The following AMER3 variants were observed in gnomAD, a reference collection of about 807,000 sequenced individuals.
The protein encoded by AMER3 is family with sequence similarity 123C.
For missense variants in AMER3, 1,201 were observed against 1,139.4 expected (o/e 1.05, Z -0.78); for synonymous variants, 541 against 485.5 (o/e 1.11, Z -1.50).
Position 130,762,273 on chromosome 2 carries a change from C to T in AMER3, c.201C>T (p.Asn67=), listed in dbSNP as rs919762235. Residue 67 remains asparagine, a synonymous_variant, in exon 2 of 2, where the codon AAC becomes AAT. Coordinates refer to ENST00000321420, the MANE Select transcript of AMER3 (RefSeq NM_152698.3). ...PSAQEYDRCP[N]KGAQLDPKGG... is the part of the protein sequence containing the mutation. ...CCCAAGAATACGACAGATGCCCCAA[C>T]AAAGGGGCGCAGCTGGACCCCAAAG... is the stretch of plus-strand genomic sequence containing the variant. 3.2e-6 allele frequency: 5 copies of T among 1,581,326 alleles called. No homozygotes were observed. In the South Asian group the frequency reaches 5.8e-5, roughly 18 times the overall value.
At chr2:130,757,283 C>A (rs936582134) in intron 1 of AMER3, among the ~76,000 whole-genome samples, 1 of 152,230 alleles carries the variant, frequency 6.6e-6, no homozygotes, top group Non-Finnish European at 1.5e-5. Context: ...AAATCCATGT[C>A]TGTGTGTGCC....
intron 1 of AMER3, among the ~76,000 whole-genome samples, chr2:130,756,548 G>C (rs1474984793): frequency 6.6e-6 from 1 of 152,132 alleles, no homozygotes; most frequent in Non-Finnish European, 1.5e-5. Flanking sequence ...GCGCAGTCAG[G>C]GGCCTGGGAG....
At chr2:130,760,593 G>A (rs1418796570) in intron 1 of AMER3, among the ~76,000 whole-genome samples, 1 of 152,146 alleles carries the variant, frequency 6.6e-6, no homozygotes, top group Non-Finnish European at 1.5e-5. Flanking sequence ...GGAGCCAGCC[G>A]CAGTCTCTTC....
At chr2:130,761,336 A>T (rs1183881817) in intron 1 of AMER3, among the ~76,000 whole-genome samples, 1 of 152,196 alleles carries the variant, frequency 6.6e-6, no homozygotes, top group East Asian at 1.9e-4. Flanking sequence ...TCTGCATGGC[A>T]CTGCAGGCAT....
chr2:130,759,469 A>G (rs1158482798), intron 1 of AMER3, among the ~76,000 whole-genome samples: 2 of 152,228 alleles, frequency 1.3e-5, no homozygotes, highest in Non-Finnish European at 2.9e-5. Context: ...CTGAAGTTAT[A>G]TCCAACAGAA....
rs775285844 is a variant in AMER3, at chr2:130,766,118, CT to C, written c.*1463del. ...GACTTTAGATGTTAGGGATTTGAAA[CT>C]TTAGAGATTTGCGTCTTTCAGTATT... On this transcript the variant is annotated 3_prime_UTR_variant, in exon 2 of 2. Coordinates refer to ENST00000321420, the MANE Select transcript of AMER3 (RefSeq NM_152698.3). 1 of 166,958 alleles carries C rather than the reference CT, an allele frequency of 6.0e-6. No homozygotes were observed. Among genetic ancestry groups the C allele is most frequent in the Non-Finnish European group, 1.5e-5 (1 of 68,122 alleles). The allele number at this position is 166,958 out of a possible 1,614,324, so 10.3% of individuals were successfully genotyped here.
Position 130,762,911 on chromosome 2 carries a change from A to T in AMER3, c.839A>T (p.Glu280Val). The change falls in exon 2 of 2, where the codon GAG becomes GTG. Residue 280 changes from glutamate to valine, a missense_variant. Transcript: ENST00000321420. ...CCAACCCAGGCTGCTCAGGGCCTGGAGAGCAAGGTTCCCAGGGGCCCTCTC... is the reference window on the plus strand; with the variant it reads ...CCAACCCAGGCTGCTCAGGGCCTGGTGAGCAAGGTTCCCAGGGGCCCTCTC... ...ESPTQAAQGL[E>V]SKVPRGPLQG... is the part of the protein sequence containing the mutation. 6.2e-7 allele frequency: 1 copy of T among 1,612,948 alleles called. No individual in the cohort carries two copies. Among genetic ancestry groups the T allele is most frequent in the Non-Finnish European group, 8.5e-7 (1 of 1,179,752 alleles).
intron 1 of AMER3, among the ~76,000 whole-genome samples, chr2:130,759,703 C>A (rs762786756): frequency 2.6e-5 from 4 of 152,210 alleles, no homozygotes; most frequent in Non-Finnish European, 4.4e-5. Flanking sequence ...AGATTTCCCA[C>A]AAAAGAGTCT....
Position 130,764,745 on chromosome 2 carries a change from T to G in AMER3, c.*87T>G. ...GACTCAAATCTCTATCTTTTGTCCC[T>G]GATGTGGGGACTGTGTTGGGGGTGG... On this transcript the variant is annotated 3_prime_UTR_variant, in exon 2 of 2. Coordinates refer to ENST00000321420, the MANE Select transcript of AMER3 (RefSeq NM_152698.3). The G allele has an allele frequency of 7.2e-7, 1 of 1,384,924 alleles. No homozygotes were observed. Among genetic ancestry groups the G allele is most frequent in the Non-Finnish European group, 9.6e-7 (1 of 1,037,738 alleles). The allele number at this position is 1,384,924 out of a possible 1,614,324, so 85.8% of individuals were successfully genotyped here. A position where few individuals can be genotyped will look rare whatever the true frequency, so the allele number is the denominator to read the frequency against.
rs770625908 is a variant in AMER3, at chr2:130,764,507, G to A, written c.2435G>A (p.Ser812Asn). 3 of 1,602,024 alleles carry A rather than the reference G, an allele frequency of 1.9e-6. No individual in the cohort carries two copies. Among genetic ancestry groups the A allele is most frequent in the Admixed American group, 3.4e-5 (2 of 58,228 alleles). The change falls in exon 2 of 2, where the codon AGC becomes AAC. Residue 812 changes from serine (S) to asparagine (N), a missense_variant. Transcript: ENST00000321420. Reference sequence around the variant, plus strand: ...AGTTCCCAGGGCCACCATCCAGAAAGCCTGGGCCTCACTTTGAACAGCCAG... The same window carrying A: ...AGTTCCCAGGGCCACCATCCAGAAAACCTGGGCCTCACTTTGAACAGCCAG... ...RWSSQGHHPE[S>N]LGLTLNSQQE... is the part of the protein sequence containing the mutation.
At position 130,765,675 on chromosome 2, in the gene AMER3, C is replaced by G. The variant is rs1280463554; in HGVS notation, c.*1017C>G. On this transcript the variant is annotated 3_prime_UTR_variant, in exon 2 of 2. Transcript: ENST00000321420. ...CCCAGGAGGGCCATGGGTGTAAGTTCCAGAGTCCAAAGGCCAGCGAGCCTG... is the reference window on the plus strand; with the variant it reads ...CCCAGGAGGGCCATGGGTGTAAGTTGCAGAGTCCAAAGGCCAGCGAGCCTG... 6.0e-6 allele frequency: 1 copy of G among 167,074 alleles called. No individual in the cohort carries two copies. 10.3% of individuals were successfully genotyped at this position (167,074 alleles called of 1,614,324 possible). A position where few individuals can be genotyped will look rare whatever the true frequency, so the allele number is the denominator to read the frequency against.
rs756210400 is a variant in AMER3, at chr2:130,762,848, C to T, written c.776C>T (p.Ser259Leu). The part of the protein sequence containing the change: ...GCGEVFADES[S>L]VPSLELNEGP... ...GGGGAGGTGTTCGCAGATGAGAGCT[C>T]GGTGCCATCTCTGGAGCTGAACGAG... Residue 259 changes from serine (S) to leucine (L), a missense_variant, in exon 2 of 2, where the codon TCG becomes TTG. Coordinates refer to ENST00000321420, the MANE Select transcript of AMER3 (RefSeq NM_152698.3). 19 of 1,613,344 alleles carry T rather than the reference C, an allele frequency of 1.2e-5. No individual in the cohort carries two copies. The African/African-American group carries it at 1.6e-4, about 14-fold the overall frequency.
At position 130,764,801 on chromosome 2, in the gene AMER3, AG is replaced by A; in HGVS notation, c.*144del. 3 of 1,089,382 alleles carry A rather than the reference AG, an allele frequency of 2.8e-6. No homozygotes were observed. The highest frequency in any genetic ancestry group is 3.9e-6 in the Non-Finnish European group (3 of 771,968). 67.5% of individuals were successfully genotyped at this position (1,089,382 alleles called of 1,614,324 possible). A position where few individuals can be genotyped will look rare whatever the true frequency, so the allele number is the denominator to read the frequency against. On this transcript the variant is annotated 3_prime_UTR_variant, in exon 2 of 2. Coordinates refer to ENST00000321420, the MANE Select transcript of AMER3 (RefSeq NM_152698.3). Reference sequence around the variant, plus strand: ...GGCAGGACTCAGGCATGCAGAGGGTAGCATGTTCATGTGGAGGCATCCTTGC... The same window carrying A: ...GGCAGGACTCAGGCATGCAGAGGGTACATGTTCATGTGGAGGCATCCTTGC...
rs1199376838 is a variant in AMER3, at chr2:130,765,959, C to CA, written c.*1301_*1302insA. ...GTCGAGTTCACACCCAAAATGAAGT[C>CA]CACAGGTCCACCCCTTGTCAACTTG... is the stretch of plus-strand genomic sequence containing the variant. On this transcript the variant is annotated 3_prime_UTR_variant, in exon 2 of 2. Transcript: ENST00000321420. The CA allele has an allele frequency of 6.0e-6, 1 of 167,072 alleles. No individual in the cohort carries two copies. The highest frequency in any genetic ancestry group is 1.5e-5 in the Non-Finnish European group (1 of 68,174). 10.3% of individuals were successfully genotyped at this position (167,072 alleles called of 1,614,324 possible). A position where few individuals can be genotyped will look rare whatever the true frequency, so the allele number is the denominator to read the frequency against.
At chr2:130,759,314 A>G (rs548452010) in intron 1 of AMER3, among the ~76,000 whole-genome samples, 2 of 152,334 alleles carry the variant, frequency 1.3e-5, no homozygotes, top group South Asian at 4.1e-4. Context: ...GAAATTTCCA[A>G]CTGTTCATGA....
At chr2:130,757,510 C>T (rs1467737151) in intron 1 of AMER3, among the ~76,000 whole-genome samples, 1 of 152,182 alleles carries the variant, frequency 6.6e-6, no homozygotes, top group African/African-American at 2.4e-5. Context: ...GACCTCAGGC[C>T]GGGTGTGGTG....
In AMER3 at chr2:130,767,311, G is replaced by A. The variant is rs1027376537; in HGVS notation, c.*2653G>A. On this transcript the variant is annotated 3_prime_UTR_variant, in exon 2 of 2. Coordinates refer to ENST00000321420, the MANE Select transcript of AMER3 (RefSeq NM_152698.3). ...ACAGGCAGCCATGAAATGGGTTTCT[G>A]GAGGAAAGATCAGCACAGGAAAAGG... 4 of 167,324 alleles carry A rather than the reference G, an allele frequency of 2.4e-5. No individual in the cohort carries two copies. Among genetic ancestry groups the A allele is most frequent in the Non-Finnish European group, 2.9e-5 (2 of 68,322 alleles). 10.4% of individuals were successfully genotyped at this position (167,324 alleles called of 1,614,324 possible).
At chr2:130,761,566 A>G (rs1285426317) in intron 1 of AMER3, among the ~76,000 whole-genome samples, 2 of 152,078 alleles carry the variant, frequency 1.3e-5, no homozygotes, top group African/African-American at 2.4e-5. Context: ...AGTCTGCAAT[A>G]TGCACACCCC....
chr2:130,762,716 A>G lies in AMER3; in HGVS notation c.644A>G (p.Gln215Arg). Reference sequence around the variant, plus strand: ...GGGCCGGGGCTGGACGGCCTGTGCCAGGACCTGTTGGACAGCGAGCTCCTG... The same window carrying G: ...GGGCCGGGGCTGGACGGCCTGTGCCGGGACCTGTTGGACAGCGAGCTCCTG... ...GEGPGLDGLC[Q>R]DLLDSELLAD... Residue 215 changes from glutamine to arginine, a missense_variant, in exon 2 of 2, where the codon CAG becomes CGG. Gln to Arg is a conservative substitution (Grantham distance 43). Coordinates refer to ENST00000321420, the MANE Select transcript of AMER3 (RefSeq NM_152698.3). 6.2e-7 allele frequency: 1 copy of G among 1,611,988 alleles called. No homozygotes were observed.
Sources: gnomAD v4.1 joint callset for allele counts (sites outside exome capture counted in the v4.1 genomes callset) on GRCh38, gnomAD v4.1.1 for gene constraint, MANE v1.5 for transcripts, NCBI Gene and HGNC (gene_info 2026-07-23, HGNC 2026-07-21) for gene names.